The following CNTLN variants were observed in gnomAD, a reference collection of about 807,000 sequenced individuals.
The protein encoded by CNTLN is centlein.
In CNTLN, 212 loss-of-function variants were observed where a neutral mutation model predicts 180.0. The observed-to-expected ratio is 1.18, with a 90% CI of 1.05 to 1.32. The LOEUF (loss-of-function observed/expected upper bound fraction) is 1.32. Among genes scored for constraint, CNTLN ranks in the 40% most tolerant of loss-of-function variants. The pLI is 0.00. For synonymous variants in CNTLN, 722 were observed against 563.1 expected (o/e 1.28, Z -3.99); for missense variants, 2,095 against 1,610.9 (o/e 1.30, Z -5.14).
chr9:17,465,441 A>G (rs1343837909), intron 21 of CNTLN, among the ~76,000 whole-genome samples: 1 of 150,480 alleles, frequency 6.6e-6, no homozygotes, highest in African/African-American at 2.4e-5. Context: ...TAGCCTTGGA[A>G]TCTTTATATA....
chr9:17,290,246 A>G (rs555066241), intron 6 of CNTLN, among the ~76,000 whole-genome samples: 6 of 152,068 alleles, frequency 3.9e-5, no homozygotes, highest in African/African-American at 1.4e-4. Flanking sequence ...CCTCAGCTGC[A>G]GGTCTGTTGG....
At chr9:17,165,132 C>T (rs931178756) in intron 2 of CNTLN, among the ~76,000 whole-genome samples, 6 of 152,066 alleles carry the variant, frequency 3.9e-5, no homozygotes, top group Non-Finnish European at 8.8e-5. Flanking sequence ...CCCATTGCGC[C>T]CGGCCTCTTA....
At chr9:17,357,861 C>G (rs1204445257) in intron 12 of CNTLN, among the ~76,000 whole-genome samples, 1 of 151,506 alleles carries the variant, frequency 6.6e-6, no homozygotes, top group Non-Finnish European at 1.5e-5. Context: ...TTTTGAATGA[C>G]AGGAAACTGA....
intron 8 of CNTLN, among the ~76,000 whole-genome samples, chr9:17,312,968 C>T (rs1317708268): frequency 6.6e-6 from 1 of 151,982 alleles, no homozygotes; most frequent in African/African-American, 2.4e-5. Context: ...TTTGAGTTTT[C>T]TCAATTTTTG....
intron 2 of CNTLN, among the ~76,000 whole-genome samples, chr9:17,159,762 G>T (rs1472625660): frequency 6.6e-6 from 1 of 152,158 alleles, no homozygotes; most frequent in Non-Finnish European, 1.5e-5. Flanking sequence ...GTGGAAGGAG[G>T]CAGTGGTTTT....
At chr9:17,495,403 C>G (rs1833399529) in intron 25 of CNTLN, among the ~76,000 whole-genome samples, 1 of 151,922 alleles carries the variant, frequency 6.6e-6, no homozygotes, top group Non-Finnish European at 1.5e-5. Context: ...GACCCTGACC[C>G]TATGTAGGCC....
chr9:17,364,961 TAACC>T (rs1823690471), intron 12 of CNTLN, among the ~76,000 whole-genome samples: 1 of 152,220 alleles, frequency 6.6e-6, no homozygotes, highest in Non-Finnish European at 1.5e-5. Context: ...AGTGAAACTC[TAACC>T]AGATAAGTTC....
chr9:17,475,450 T>C (rs566246761), intron 23 of CNTLN, among the ~76,000 whole-genome samples: 1 of 142,268 alleles, frequency 7.0e-6, no homozygotes, highest in East Asian at 2.0e-4. Context: ...AAGAATATGA[T>C]GGAAAAAAGA....
At chr9:17,180,013 A>T (rs1039955332) in intron 2 of CNTLN, among the ~76,000 whole-genome samples, 2 of 151,998 alleles carry the variant, frequency 1.3e-5, no homozygotes, top group African/African-American at 4.8e-5. Flanking sequence ...GAATGATTAC[A>T]TATCTTTTTT....
chr9:17,393,114 A>G (rs1356931563), intron 14 of CNTLN, among the ~76,000 whole-genome samples: 2 of 152,092 alleles, frequency 1.3e-5, no homozygotes, highest in Non-Finnish European at 2.9e-5. Flanking sequence ...TGTTTCATAG[A>G]TGGTGCCTTC....
downstream of CNTLN, among the ~76,000 whole-genome samples, chr9:17,506,170 G>A (rs1384831437): frequency 2.0e-5 from 3 of 152,002 alleles, no homozygotes; most frequent in Non-Finnish European, 4.4e-5. Flanking sequence ...AATGTAAAAT[G>A]TAGAATATAA....
chr9:17,408,298 A>C (rs973655171), intron 15 of CNTLN, among the ~76,000 whole-genome samples: 7 of 152,086 alleles, frequency 4.6e-5, no homozygotes, highest in African/African-American at 1.7e-4. Flanking sequence ...GACTTACTTA[A>C]ATGTTCCACA....
chr9:17,467,366 G>A (rs1246444577), intron 23 of CNTLN, among the ~76,000 whole-genome samples: 4 of 151,476 alleles, frequency 2.6e-5, no homozygotes, highest in African/African-American at 9.7e-5. Flanking sequence ...ATCTGCAGAG[G>A]TGTACCATCT....
chr9:17,506,607 A>G (rs553305223), downstream of CNTLN, among the ~76,000 whole-genome samples: 4 of 152,206 alleles, frequency 2.6e-5, no homozygotes, highest in East Asian at 5.8e-4. Context: ...TCTTCTCCAT[A>G]TTATGCAGGA....
chr9:17,501,629 C>T (rs1413310377), intron 25 of CNTLN, among the ~76,000 whole-genome samples: 1 of 152,194 alleles, frequency 6.6e-6, no homozygotes, highest in African/African-American at 2.4e-5. Context: ...TGCTACTGCC[C>T]TGCAGGGAAG....
chr9:17,271,023 T>C (rs1330566254), intron 5 of CNTLN, among the ~76,000 whole-genome samples: 1 of 149,542 alleles, frequency 6.7e-6, no homozygotes, highest in Non-Finnish European at 1.5e-5. Context: ...CAATCTTGGC[T>C]CACTGCAATC....
intron 5 of CNTLN, among the ~76,000 whole-genome samples, chr9:17,253,660 T>C (rs920928405): frequency 2.0e-5 from 3 of 151,614 alleles, no homozygotes; most frequent in Non-Finnish European, 4.4e-5. Context: ...CTGGAGTTTT[T>C]CTGGTAGAGT....
intron 13 of CNTLN, among the ~76,000 whole-genome samples, chr9:17,381,086 G>A (rs1355055647): frequency 1.3e-5 from 2 of 152,144 alleles, no homozygotes; most frequent in Non-Finnish European, 2.9e-5. Context: ...GGAGGATTGG[G>A]GTAGTATTTT....
rs556604900 is a variant in CNTLN at position 17,359,050 on chromosome 9, T to G, written c.1887-7567T>G. ...CCCCTCTCTTTTTGAAATAAGGTCT[T>G]ACTTTGTCACTCCGCTGGAGTGCAG... is the stretch of plus-strand genomic sequence containing the variant. On this transcript the variant is annotated intron_variant, in intron 12 of 25. Coordinates refer to ENST00000380647, the MANE Select transcript of CNTLN (RefSeq NM_017738.4). Among the ~76,000 whole-genome samples the G allele has an allele frequency of 2.0e-3, 309 of 151,216 alleles. 1 individual carries two copies. The highest frequency in any genetic ancestry group is 7.2e-3 in the African/African-American group (296 of 41,032).
Sources: allele counts gnomAD v4.1 joint callset (sites outside exome capture counted in the v4.1 genomes callset), GRCh38; gene constraint gnomAD v4.1.1; transcripts MANE v1.5; gene names NCBI Gene and HGNC (gene_info 2026-07-23, HGNC 2026-07-21).